Variants in ASAP1 observed in about 807,000 individuals in gnomAD.
ASAP1 encodes arf-GAP with SH3 domain, ANK repeat and PH domain-containing protein 1.
Under a neutral mutation model 145.2 loss-of-function variants are expected in ASAP1, and 43 were observed. The observed-to-expected ratio is 0.30, with a 90% CI of 0.23 to 0.38. The LOEUF (loss-of-function observed/expected upper bound fraction) is 0.38, where lower values mean the gene tolerates loss of function less well. Among genes scored for constraint, ASAP1 ranks in the 10% least tolerant of loss-of-function variants. The probability of loss-of-function intolerance (pLI) is 1.00; values close to 1 mark genes in which losing one functional copy is unlikely to be tolerated. For missense variants in ASAP1, 1,018 were observed against 1,355.3 expected (o/e 0.75, Z 3.91); for synonymous variants, 546 against 515.5 (o/e 1.06, Z -0.80).
chr8:130,309,788 T>C (rs1823220815), intron 3 of ASAP1, among the ~76,000 whole-genome samples: 2 of 152,226 alleles, frequency 1.3e-5, no homozygotes, highest in Admixed American at 1.3e-4. Context: ...CCTCTAAAAC[T>C]GGACTTTTAA....
chr8:130,165,423 T>G (rs1256086176), intron 11 of ASAP1, among the ~76,000 whole-genome samples: 1 of 152,230 alleles, frequency 6.6e-6, no homozygotes, highest in Non-Finnish European at 1.5e-5. Flanking sequence ...TACCTGGGTC[T>G]TTTTAATGCT....
chr8:130,283,031 A>G (rs545546023), intron 3 of ASAP1, among the ~76,000 whole-genome samples: 1 of 152,346 alleles, frequency 6.6e-6, no homozygotes, highest in African/African-American at 2.4e-5. Context: ...CAGAAATCCA[A>G]TATTTATGTG....
Position 130,126,005 on chromosome 8 carries a change from G to C in ASAP1, c.1466C>G (p.Ser489Cys). ...GTCTAGTTCCAAAGACTGAATGCGA[G>C]AAATATGAACCCCCATTTCCCTATG... ...GIHREMGVHI[S>C]RIQSLELDKL... The change falls in exon 17 of 30, where the codon TCT becomes TGT. Residue 489 changes from serine (S) to cysteine (C), a missense_variant. Physicochemically the swap from Ser to Cys is moderately radical, Grantham distance 112. Coordinates refer to ENST00000518721, the MANE Select transcript of ASAP1 (RefSeq NM_018482.4). 1 of 1,613,998 alleles carries C rather than the reference G, an allele frequency of 6.2e-7. No individual in the cohort carries two copies. Among genetic ancestry groups the C allele is most frequent in the Non-Finnish European group, 8.5e-7 (1 of 1,179,940 alleles).
intron 1 of ASAP1, among the ~76,000 whole-genome samples, chr8:130,440,833 C>T (rs955607279): frequency 6.6e-6 from 1 of 152,218 alleles, no homozygotes; most frequent in Non-Finnish European, 1.5e-5. Context: ...CTCAGAAAGG[C>T]TTTCCCTTCC....
Position 130,338,854 on chromosome 8 carries a change from CTG to C in ASAP1, c.186+19161_186+19162del, listed in dbSNP as rs201965271. Among the ~76,000 whole-genome samples the C allele has an allele frequency of 1.1e-3, 174 of 152,342 alleles. 2 individuals carry two copies. The East Asian group carries it at 0.027, about 24-fold the overall frequency. On this transcript the variant is annotated intron_variant, in intron 3 of 29. Transcript: ENST00000518721. ...CAGTGGATCACAATCCTTCTGAGGA[CTG>C]TTTCCTGGGCATTTCCCCCAGAGCA...
chr8:130,097,173 C>CTGTAT (rs2097520159), intron 24 of ASAP1, among the ~76,000 whole-genome samples: 1 of 109,280 alleles, frequency 9.2e-6, no homozygotes, highest in Non-Finnish European at 1.9e-5. Flanking sequence ...TCCTTGAAAA[C>CTGTAT]TGTATTGTGG....
chr8:130,236,634 A>AT, intron 4 of ASAP1, among the ~76,000 whole-genome samples: 1 of 152,114 alleles, frequency 6.6e-6, no homozygotes, highest in Non-Finnish European at 1.5e-5. Context: ...TCACACAGAG[A>AT]TTTTATCTAT....
At chr8:130,256,513 T>C (rs1257326636) in intron 3 of ASAP1, among the ~76,000 whole-genome samples, 3 of 151,926 alleles carry the variant, frequency 2.0e-5, no homozygotes, top group Non-Finnish European at 4.4e-5. Flanking sequence ...GGGACTGTGA[T>C]AGGTTACCTC....
At chr8:130,299,746 A>G (rs1822508151) in intron 3 of ASAP1, among the ~76,000 whole-genome samples, 1 of 152,262 alleles carries the variant, frequency 6.6e-6, no homozygotes, top group Non-Finnish European at 1.5e-5. Flanking sequence ...AAGTGAGTTC[A>G]AAATCCAAAG....
Position 130,262,082 on chromosome 8 carries a change from C to G in ASAP1, c.187-25088G>C, listed in dbSNP as rs146859937. On this transcript the variant is annotated intron_variant, in intron 3 of 29. Coordinates refer to ENST00000518721, the MANE Select transcript of ASAP1 (RefSeq NM_018482.4). ...AAAAATGTATTTTATACATTGTCTT[C>G]ATGTTTCCAGTGCTATTAAAAAAGG... Among the ~76,000 whole-genome samples, 594 of 152,016 alleles carry G rather than the reference C, an allele frequency of 3.9e-3. 6 individuals carry two copies. Among genetic ancestry groups the G allele is most frequent in the Non-Finnish European group, 3.7e-3 (249 of 67,958 alleles).
intron 5 of ASAP1, among the ~76,000 whole-genome samples, chr8:130,205,256 G>C (rs1011301966): frequency 6.6e-6 from 1 of 151,352 alleles, no homozygotes; most frequent in South Asian, 2.1e-4. Context: ...TACACATATC[G>C]CGTGCATACA....
chr8:130,379,339 C>G (rs1344088096), intron 2 of ASAP1, among the ~76,000 whole-genome samples: 1 of 152,178 alleles, frequency 6.6e-6, no homozygotes, highest in East Asian at 1.9e-4. Context: ...TTCCTGAGTT[C>G]TGACGAGATC....
chr8:130,383,187 TC>T (rs1827859523), intron 2 of ASAP1, among the ~76,000 whole-genome samples: 1 of 152,090 alleles, frequency 6.6e-6, no homozygotes, highest in African/African-American at 2.4e-5. Context: ...TTGCCAAACC[TC>T]CCTGCAAGGC....
intron 13 of ASAP1, among the ~76,000 whole-genome samples, chr8:130,145,156 G>A (rs2135897261): frequency 6.6e-6 from 1 of 152,236 alleles, no homozygotes; most frequent in Admixed American, 6.5e-5. Context: ...TATAGAGTTT[G>A]GGCCAATACA....
chr8:130,430,062 C>T (rs1461483470), intron 1 of ASAP1, among the ~76,000 whole-genome samples: 2 of 152,164 alleles, frequency 1.3e-5, no homozygotes, highest in African/African-American at 2.4e-5. Flanking sequence ...TCTTAGCTTC[C>T]GTTTCCTCCT....
intron 25 of ASAP1, chr8:130,084,552 A>AG (rs1209331379): frequency 3.3e-5 from 5 of 152,192 alleles, no homozygotes; most frequent in Non-Finnish European, 5.9e-5. Flanking sequence ...GTGGAAAGAG[A>AG]GGGGGCATTG....
chr8:130,300,190 A>AGAGAGAGAGAGAGC (rs1206469856), intron 3 of ASAP1, among the ~76,000 whole-genome samples: 1 of 148,270 alleles, frequency 6.7e-6, no homozygotes, highest in Non-Finnish European at 1.5e-5. Flanking sequence ...AGAGAGAGCG[A>AGAGAGAGAGAGAGC]GCGAGCGAGC....
chr8:130,191,786 A>C (rs1292188069), intron 5 of ASAP1, among the ~76,000 whole-genome samples: 1 of 152,166 alleles, frequency 6.6e-6, no homozygotes, highest in African/African-American at 2.4e-5. Flanking sequence ...GAAGTGTTGA[A>C]TACATGTTTA....
chr8:130,070,129 C>T (rs938995025), intron 27 of ASAP1, among the ~76,000 whole-genome samples: 99 of 152,152 alleles, frequency 6.5e-4, no homozygotes, highest in African/African-American at 2.1e-3. Flanking sequence ...CTCCGCCTCC[C>T]GGGTTCACGC....
Sources: allele counts gnomAD v4.1 joint callset (sites outside exome capture counted in the v4.1 genomes callset), GRCh38; gene constraint gnomAD v4.1.1; transcripts MANE v1.5; gene names NCBI Gene and HGNC (gene_info 2026-07-23, HGNC 2026-07-21).